The following ATP8B1 variants were observed in gnomAD, a reference collection of about 807,000 sequenced individuals.
ATP8B1 encodes ATPase phospholipid transporting 8B1, also known as phospholipid-transporting ATPase IC.
A neutral mutation model predicts 149.9 loss-of-function variants in ATP8B1; 80 were observed. The observed-to-expected ratio is 0.53, with a 90% CI of 0.45 to 0.64. The LOEUF (loss-of-function observed/expected upper bound fraction) is 0.64. Among genes scored for constraint, ATP8B1 ranks in the 30% least tolerant of loss-of-function variants. ATP8B1 has a pLI of 0.00. For synonymous variants in ATP8B1, 536 were observed against 562.8 expected, an observed-to-expected ratio of 0.95 and a Z score of 0.67; for missense variants, 1,247 against 1,552.6, an observed-to-expected ratio of 0.80 and a Z score of 3.31.
chr18:57,788,331 A>G (rs184075220), intron 1 of ATP8B1, among the ~76,000 whole-genome samples: 1 of 152,192 alleles, frequency 6.6e-6, no homozygotes, highest in Non-Finnish European at 1.5e-5. Flanking sequence ...AGGCGGGAGG[A>G]TCACATGAGG....
intron 1 of ATP8B1, among the ~76,000 whole-genome samples, chr18:57,781,963 TG>T (rs1476000621): frequency 6.6e-6 from 1 of 152,072 alleles, no homozygotes; most frequent in Non-Finnish European, 1.5e-5. Context: ...CACTCCAACC[TG>T]GGCAACAGAG....
chr18:57,678,129 TAG>T (rs1911711069), intron 15 of ATP8B1, among the ~76,000 whole-genome samples: 1 of 152,064 alleles, frequency 6.6e-6, no homozygotes, highest in African/African-American at 2.4e-5. Context: ...TTTGTCACAA[TAG>T]AGATTAGGCC....
intron 23 of ATP8B1, among the ~76,000 whole-genome samples, chr18:57,654,702 T>A (rs1307621305): frequency 6.7e-6 from 1 of 150,330 alleles, no homozygotes; most frequent in Non-Finnish European, 1.5e-5. Context: ...CTCCTTTTTT[T>A]TTTTTTTTTT....
At position 57,697,851 on chromosome 18, in the gene ATP8B1, A is replaced by G; in HGVS notation, c.571T>C (p.Trp191Arg). ...ACGTCTCCAACTTGAATTTCTTTCC[A>G]CTTAGCAACTTTGAACCTAAGGATT... ...IKDGRFKVAK[W>R]KEIQVGDVIR... Residue 191 changes from tryptophan (W) to arginine (R), a missense_variant, in exon 7 of 28, where the codon TGG becomes CGG. Physicochemically the swap from Trp to Arg is moderately radical, Grantham distance 101. Around this residue, in one of 3 missense-constraint regions of ATP8B1, gnomAD observed 853 missense variants for 1,035.7 expected, o/e 0.82. Transcript: ENST00000648908. 1 of 1,613,684 alleles carries G rather than the reference A, an allele frequency of 6.2e-7. No homozygotes were observed. Among genetic ancestry groups the G allele is most frequent in the Non-Finnish European group, 8.5e-7 (1 of 1,179,636 alleles).
chr18:57,662,655 C>T (rs890525334), intron 20 of ATP8B1, 40 bp from the exon 21 acceptor site: 3 of 1,609,048 alleles, frequency 1.9e-6, no homozygotes, highest in African/African-American at 2.7e-5. Context: ...GTGTAAGACC[C>T]TAAATAGGCC....
At chr18:57,786,002 TTCTC>T (rs974437789) in intron 1 of ATP8B1, among the ~76,000 whole-genome samples, 6 of 152,344 alleles carry the variant, frequency 3.9e-5, no homozygotes, top group Admixed American at 1.3e-4. Flanking sequence ...TTCAATGGCC[TTCTC>T]TCTCATAAAA....
At chr18:57,712,519 TCGTCACCGAGGG>T (rs932239605) in intron 2 of ATP8B1, among the ~76,000 whole-genome samples, 10 of 151,876 alleles carry the variant, frequency 6.6e-5, no homozygotes, top group Non-Finnish European at 1.2e-4. Flanking sequence ...CTGGCAAACC[TCGTCACCGAGGG>T]CCAAAGTGCC....
intron 27 of ATP8B1, among the ~76,000 whole-genome samples, chr18:57,650,050 TAAAG>T (rs913856908): frequency 2.0e-5 from 3 of 151,912 alleles, no homozygotes; most frequent in African/African-American, 7.3e-5. Flanking sequence ...TTTTCTTAAA[TAAAG>T]AAAAAAAACC....
chr18:57,784,928 A>G lies in ATP8B1; in HGVS notation c.-26+18070T>C, dbSNP rs2080392251. Among the ~76,000 whole-genome samples, 1 of 152,220 alleles carries G rather than the reference A, an allele frequency of 6.6e-6. No individual in the cohort carries two copies. The highest frequency in any genetic ancestry group is 2.4e-5 in the African/African-American group (1 of 41,462). ...CTTAAAATGTTCCCCAGGGAGCAAA[A>G]GTCACATCTGGTTGACTAAGTTAAG... On this transcript the variant is annotated intron_variant, in intron 1 of 27. Coordinates refer to ENST00000648908, the MANE Select transcript of ATP8B1 (RefSeq NM_001374385.1). The surrounding 1 kb of genome is among the most constrained non-coding windows in gnomAD (Gnocchi z 4.4).
Position 57,726,992 on chromosome 18 carries a change from A to G in ATP8B1, c.181+4635T>C, listed in dbSNP as rs2079715399. 2.6e-5 allele frequency among the ~76,000 whole-genome samples: 4 copies of G among 152,222 alleles called. No individual in the cohort carries two copies. In the South Asian group the frequency reaches 8.3e-4, roughly 32 times the overall value. ...CTACTCGGGAGGCTGAGGCAGGAGA[A>G]TCACTTGAACCCGGGAGGCGGAGGT... On this transcript the variant is annotated intron_variant, in intron 2 of 27. Coordinates refer to ENST00000648908, the MANE Select transcript of ATP8B1 (RefSeq NM_001374385.1).
At chr18:57,749,556 G>A (rs1270834246) in intron 1 of ATP8B1, among the ~76,000 whole-genome samples, 2 of 152,130 alleles carry the variant, frequency 1.3e-5, no homozygotes, top group Admixed American at 1.3e-4. Context: ...TTACCAACCT[G>A]AAAACTTACC....
Position 57,760,981 on chromosome 18 carries a change from T to G in ATP8B1, c.-25-29149A>C, listed in dbSNP as rs369535142. The stretch of plus-strand genomic sequence containing the variant: ...TCCAGCCTGGGCAACAGAGCGAGAC[T>G]CTGTCTCAAATAAAATAAAATAAAA... On this transcript the variant is annotated intron_variant, in intron 1 of 27. Transcript: ENST00000648908. Among the ~76,000 whole-genome samples, 11 of 148,278 alleles carry G rather than the reference T, an allele frequency of 7.4e-5. No homozygotes were observed. The East Asian group carries it at 1.4e-3, about 19-fold the overall frequency.
At position 57,652,562 on chromosome 18, in the gene ATP8B1, C is replaced by T. The variant is rs1909693096; in HGVS notation, c.3183G>A (p.Gln1061=). Residue 1061 remains glutamine, a synonymous_variant, in exon 25 of 28, where the codon CAG becomes CAA. Transcript: ENST00000648908. ...PLGAYLQTVG[Q]DGEAPSDYQS... is the part of the protein sequence containing the mutation. ...GGTAGTCGGAAGGTGCCTCTCCATC[C>T]TGCCCTACGGTTTGCAGATAAGCTC... The T allele has an allele frequency of 1.2e-6, 2 of 1,614,176 alleles. No homozygotes were observed. The highest frequency in any genetic ancestry group is 1.7e-6 in the Non-Finnish European group (2 of 1,180,034).
intron 2 of ATP8B1, among the ~76,000 whole-genome samples, chr18:57,714,737 A>G (rs774220057): frequency 2.1e-4 from 32 of 152,190 alleles, no homozygotes; most frequent in Non-Finnish European, 4.1e-4. Context: ...AGCGTTATTG[A>G]GCTTGGGATG....
intron 1 of ATP8B1, among the ~76,000 whole-genome samples, chr18:57,750,578 G>T (rs1383103658): frequency 6.6e-6 from 1 of 152,178 alleles, no homozygotes; most frequent in Admixed American, 6.5e-5. Flanking sequence ...CCACAAAACG[G>T]TCACCTCCAA....
chr18:57,699,056 C>T (rs184632056), intron 6 of ATP8B1, among the ~76,000 whole-genome samples: 1 of 152,254 alleles, frequency 6.6e-6, no homozygotes, highest in East Asian at 1.9e-4. Flanking sequence ...ACGAAAGCAC[C>T]AACTCAGGGA....
At chr18:57,727,445 T>C (rs1047085590) in intron 2 of ATP8B1, among the ~76,000 whole-genome samples, 3 of 152,196 alleles carry the variant, frequency 2.0e-5, no homozygotes, top group Non-Finnish European at 4.4e-5. Context: ...AAATATTAAT[T>C]CATAGATGCG....
At chr18:57,749,115 A>G (rs887883183) in intron 1 of ATP8B1, among the ~76,000 whole-genome samples, 1 of 152,212 alleles carries the variant, frequency 6.6e-6, no homozygotes, top group Admixed American at 6.5e-5. Flanking sequence ...AATGTATTCT[A>G]GAACTTTTTT....
intron 22 of ATP8B1, 143 bp from the exon 23 acceptor site, chr18:57,655,560 C>T (rs1232826086): frequency 7.7e-6 from 6 of 778,144 alleles, no homozygotes; most frequent in African/African-American, 3.4e-5. Flanking sequence ...GCTCACCATC[C>T]CTCACCCCCA....
Sources: gnomAD v4.1 joint callset for allele counts (sites outside exome capture counted in the v4.1 genomes callset) on GRCh38, gnomAD v4.1.1 for gene constraint, gnomAD v4.1.1 regional missense constraint, Gnocchi (gnomAD v3.1) non-coding constraint, MANE v1.5 for transcripts, NCBI Gene and HGNC (gene_info 2026-07-23, HGNC 2026-07-21) for gene names.